SGCD: variants seen among roughly 807,000 people sequenced by gnomAD.
SGCD encodes sarcoglycan delta.
SGCD carries 18 observed loss-of-function variants against 36.6 expected under a neutral mutation model. The observed-to-expected ratio is 0.49, with a 90% CI of 0.34 to 0.73. The LOEUF (loss-of-function observed/expected upper bound fraction) is 0.73. Ranked by LOEUF, SGCD falls within the 30% of genes least tolerant of loss-of-function variation. SGCD has a pLI of 0.01. For missense variants in SGCD, 387 were observed against 346.7 expected, an observed-to-expected ratio of 1.12 and a Z score of -0.92; for synonymous variants, 133 against 130.6, an observed-to-expected ratio of 1.02 and a Z score of -0.12.
At chr5:156,381,508 C>T (rs1450559955) in intron 3 of SGCD, among the ~76,000 whole-genome samples, 2 of 152,238 alleles carry the variant, frequency 1.3e-5, no homozygotes, top group African/African-American at 4.8e-5. Context: ...ATCATTCATC[C>T]ATAAGCATTA....
At chr5:155,943,020 G>A (rs972954107) in intron 1 of SGCD, among the ~76,000 whole-genome samples, 1 of 152,178 alleles carries the variant, frequency 6.6e-6, no homozygotes, top group Non-Finnish European at 1.5e-5. Context: ...GGACAGAAAA[G>A]TGTCTTGCCT....
At chr5:156,441,658 T>C (rs1753495470) in intron 3 of SGCD, among the ~76,000 whole-genome samples, 1 of 152,186 alleles carries the variant, frequency 6.6e-6, no homozygotes, top group African/African-American at 2.4e-5. Context: ...TATTGCCATG[T>C]AGCTTAGTTA....
intron 7 of SGCD, among the ~76,000 whole-genome samples, chr5:156,691,225 A>AAAAAAAG (rs1208953973): frequency 2.1e-4 from 31 of 150,372 alleles, no homozygotes; most frequent in Middle Eastern, 3.5e-3. Context: ...AAAAAAAAAA[A>AAAAAAAG]AGAGAGAGAC....
At chr5:156,335,016 C>G (rs1307321773) in intron 2 of SGCD, among the ~76,000 whole-genome samples, 1 of 152,134 alleles carries the variant, frequency 6.6e-6, no homozygotes, top group African/African-American at 2.4e-5. Context: ...AGTTAGGGGT[C>G]TTTGAGAATA....
chr5:156,338,367 C>T (rs996010473), intron 2 of SGCD, among the ~76,000 whole-genome samples: 1 of 152,208 alleles, frequency 6.6e-6, no homozygotes, highest in Non-Finnish European at 1.5e-5. Flanking sequence ...TGTGCTTAGC[C>T]TCACAAAGCG....
chr5:156,619,661 A>G (rs1351690211), intron 6 of SGCD, among the ~76,000 whole-genome samples: 1 of 152,222 alleles, frequency 6.6e-6, no homozygotes. Context: ...AGCAGAGGCC[A>G]AGGGGAATGT....
intron 1 of SGCD, among the ~76,000 whole-genome samples, chr5:156,328,924 T>A (rs377639244): frequency 5.9e-5 from 9 of 152,182 alleles, no homozygotes; most frequent in African/African-American, 2.2e-4. Flanking sequence ...TCAAGCCCAC[T>A]GCCAATGAAA....
At chr5:156,752,409 C>A (rs555631357) in intron 7 of SGCD, among the ~76,000 whole-genome samples, 26 of 152,022 alleles carry the variant, frequency 1.7e-4, no homozygotes, top group East Asian at 1.4e-3. Flanking sequence ...TTTTTCCCCC[C>A]CAAGATGGAG....
chr5:156,308,327 C>T (rs1197587895), intron 3 of SGCD, among the ~76,000 whole-genome samples: 4 of 147,808 alleles, frequency 2.7e-5, no homozygotes, highest in African/African-American at 1.0e-4. Flanking sequence ...GAGACGGAGT[C>T]TCGCCCTGTC....
intron 3 of SGCD, among the ~76,000 whole-genome samples, chr5:156,213,102 A>T (rs992864488): frequency 1.3e-5 from 2 of 152,008 alleles, no homozygotes; most frequent in African/African-American, 4.8e-5. Context: ...CTAGAAAAAT[A>T]AGAATTAACT....
At chr5:155,909,469 G>A (rs4547913) in intron 1 of SGCD, among the ~76,000 whole-genome samples, 9 of 151,868 alleles carry the variant, frequency 5.9e-5, no homozygotes, top group South Asian at 4.1e-4. Context: ...GAGAGCATGC[G>A]CGGGTTATTG....
intron 3 of SGCD, among the ~76,000 whole-genome samples, chr5:156,229,899 G>A (rs1052802686): frequency 1.3e-5 from 2 of 151,978 alleles, no homozygotes; most frequent in African/African-American, 2.4e-5. Flanking sequence ...GGGTTAATTC[G>A]AAGACCTTAT....
In SGCD at chr5:156,420,234, C is replaced by G. The variant is rs542193306; in HGVS notation, c.192+75557C>G. On this transcript the variant is annotated intron_variant, in intron 3 of 8. Coordinates refer to ENST00000337851, the MANE Select transcript of SGCD (RefSeq NM_000337.6). ...AAGTTTAGAACACTGATGGAGCTCT[C>G]TTTCTGGTTTGAATGGAGTCAGATT... Among the ~76,000 whole-genome samples the G allele has an allele frequency of 2.7e-4, 41 of 152,214 alleles. No individual in the cohort carries two copies. The South Asian group carries it at 7.0e-3, about 26-fold the overall frequency.
chr5:156,672,706 C>G (rs1158247284), intron 7 of SGCD, among the ~76,000 whole-genome samples: 1 of 152,136 alleles, frequency 6.6e-6, no homozygotes, highest in East Asian at 1.9e-4. Context: ...ATTTTAGGGT[C>G]CATTTATAGC....
chr5:156,383,459 G>A lies in SGCD; in HGVS notation c.192+38782G>A, dbSNP rs530189842. Among the ~76,000 whole-genome samples the A allele has an allele frequency of 5.3e-5, 8 of 152,118 alleles. No individual in the cohort carries two copies. In the South Asian group the frequency reaches 6.2e-4, roughly 12 times the overall value. ...GCGGAGGTTACAGTGGGCCAAGATCGCGCCACTGCATTCCAGCCTGGGTGA... is the reference window on the plus strand; with the variant it reads ...GCGGAGGTTACAGTGGGCCAAGATCACGCCACTGCATTCCAGCCTGGGTGA... On this transcript the variant is annotated intron_variant, in intron 3 of 8. Transcript: ENST00000337851.
chr5:155,810,030 T>C, the SGCD span, among the ~76,000 whole-genome samples: 1 of 152,192 alleles, frequency 6.6e-6, no homozygotes, highest in Non-Finnish European at 1.5e-5. Context: ...GGCTTAAAGA[T>C]TGGTCATTTA....
chr5:155,766,891 C>T, the SGCD span, among the ~76,000 whole-genome samples: 1 of 152,100 alleles, frequency 6.6e-6, no homozygotes, highest in Non-Finnish European at 1.5e-5. Flanking sequence ...AGTCGATGCT[C>T]TTAGTGGATC....
chr5:156,579,580 A>G (rs1259763217), intron 4 of SGCD, among the ~76,000 whole-genome samples: 1 of 152,152 alleles, frequency 6.6e-6, no homozygotes, highest in Non-Finnish European at 1.5e-5. Context: ...GACTTGCTTT[A>G]TGAATCTGGG....
At chr5:156,049,752 T>C (rs1053150201) in intron 1 of SGCD, among the ~76,000 whole-genome samples, 1 of 146,416 alleles carries the variant, frequency 6.8e-6, no homozygotes, top group African/African-American at 2.5e-5. Flanking sequence ...TGAAAAGAGG[T>C]CCAAAGAGCA....
Sources: allele counts gnomAD v4.1 joint callset (sites outside exome capture counted in the v4.1 genomes callset), GRCh38; gene constraint gnomAD v4.1.1; transcripts MANE v1.5; gene names NCBI Gene and HGNC (gene_info 2026-07-23, HGNC 2026-07-21).